The following TCEA1 variants were observed in gnomAD, a reference collection of about 807,000 sequenced individuals.
TCEA1 encodes transcription elongation factor A protein 1.
TCEA1 carries 21 observed loss-of-function variants against 43.8 expected under a neutral mutation model. The ratio of observed to expected loss-of-function variants is 0.48; its 90% CI spans 0.34 to 0.69. The LOEUF (loss-of-function observed/expected upper bound fraction) is 0.69, where lower values mean the gene tolerates loss of function less well. Among genes scored for constraint, TCEA1 ranks in the 30% least tolerant of loss-of-function variants. The pLI, the probability that TCEA1 is intolerant of heterozygous loss-of-function variation, is 0.01. For synonymous variants in TCEA1, 104 were observed against 117.5 expected (o/e 0.88, Z 0.75); for missense variants, 250 against 365.1 (o/e 0.68, Z 2.57).
intron 3 of TCEA1, among the ~76,000 whole-genome samples, chr8:53,997,799 T>C (rs535515875): frequency 6.6e-6 from 1 of 152,260 alleles, no homozygotes; most frequent in African/African-American, 2.4e-5. Context: ...CTCAGGAGTC[T>C]GATGTGAAAG....
rs1011196560 is a variant in TCEA1, at chr8:53,967,248, C to T, written c.*856G>A. 2.7e-4 allele frequency: 55 copies of T among 202,552 alleles called. 1 individual carries two copies. Among genetic ancestry groups the T allele is most frequent in the Non-Finnish European group, 1.4e-4 (14 of 98,350 alleles). 12.5% of individuals were successfully genotyped at this position (202,552 alleles called of 1,614,324 possible). ...TGAACTGTTTACAATAGCTATACTACACTAAGATGCTAAACATTTTCTTTC... is the reference window on the plus strand; with the variant it reads ...TGAACTGTTTACAATAGCTATACTATACTAAGATGCTAAACATTTTCTTTC... On this transcript the variant is annotated 3_prime_UTR_variant, in exon 10 of 10. Coordinates refer to ENST00000521604, the MANE Select transcript of TCEA1 (RefSeq NM_006756.4).
intron 2 of TCEA1, among the ~76,000 whole-genome samples, chr8:54,008,234 C>CA (rs1261003327): frequency 1.4e-5 from 2 of 139,802 alleles, no homozygotes; most frequent in African/African-American, 5.3e-5. Context: ...GGTAAAGAGA[C>CA]AATCTGCTGA....
intron 1 of TCEA1, among the ~76,000 whole-genome samples, chr8:54,020,679 T>G (rs1304389462): frequency 1.3e-5 from 2 of 152,220 alleles, no homozygotes; most frequent in Non-Finnish European, 2.9e-5. Flanking sequence ...TGGATACCCT[T>G]TATGTACTCA....
chr8:54,016,398 G>A (rs1010335479), intron 1 of TCEA1, among the ~76,000 whole-genome samples: 7 of 152,168 alleles, frequency 4.6e-5, no homozygotes, highest in African/African-American at 1.7e-4. Context: ...GGGAACCCGG[G>A]AGGCGGAGCT....
intron 1 of TCEA1, among the ~76,000 whole-genome samples, chr8:54,018,519 G>T (rs1168629285): frequency 6.6e-6 from 1 of 152,128 alleles, no homozygotes; most frequent in African/African-American, 2.4e-5. Context: ...TGATGACAAA[G>T]AACTTGCCTA....
At chr8:53,970,991 AAC>A (rs1803140029) in intron 8 of TCEA1, among the ~76,000 whole-genome samples, 1 of 152,218 alleles carries the variant, frequency 6.6e-6, no homozygotes, top group Admixed American at 6.5e-5. Flanking sequence ...GGCAATTAAA[AAC>A]ACAAAAATAC....
Position 53,970,469 on chromosome 8 carries a change from G to A in TCEA1, c.826-6C>T, listed in dbSNP as rs1323711197. On this transcript the variant is annotated splice_region_variant and splice_polypyrimidine_tract_variant and intron_variant, in intron 8 of 9. Transcript: ENST00000521604. ...TCAGCACTACGGGTTTGTACCTGCAGCAAAATTAAATTAAATGTACTTTTT... is the reference window on the plus strand; with the variant it reads ...TCAGCACTACGGGTTTGTACCTGCAACAAAATTAAATTAAATGTACTTTTT... 1 of 1,589,942 alleles carries A rather than the reference G, an allele frequency of 6.3e-7. No homozygotes were observed.
chr8:54,022,294 G>C lies in TCEA1; in HGVS notation c.-169C>G. On this transcript the variant is annotated 5_prime_UTR_variant, in exon 1 of 10. Transcript: ENST00000521604. ...CGAAGCCCGCGGCGGCGGCGGCGGC[G>C]GCGGCGGCTCCGGCTCCTCCTCCCC... 2.5e-6 allele frequency: 2 copies of C among 811,032 alleles called. No individual in the cohort carries two copies. The highest frequency in any genetic ancestry group is 3.1e-5 in the South Asian group (2 of 64,910). The allele number at this position is 811,032 out of a possible 1,614,324, so 50.2% of individuals were successfully genotyped here.
chr8:53,996,797 A>G (rs1804065553), intron 3 of TCEA1, among the ~76,000 whole-genome samples: 1 of 139,242 alleles, frequency 7.2e-6, no homozygotes, highest in Non-Finnish European at 1.5e-5. Context: ...GGTAAAATTT[A>G]TGCAAATTAA....
intron 4 of TCEA1, among the ~76,000 whole-genome samples, chr8:53,992,771 A>C (rs1047499524): frequency 1.3e-5 from 2 of 152,142 alleles, no homozygotes; most frequent in African/African-American, 4.8e-5. Context: ...CTGTTAACCT[A>C]CCAGCTTCCC....
intron 8 of TCEA1, among the ~76,000 whole-genome samples, chr8:53,971,001 T>C (rs78679641): frequency 0.083 from 12,672 of 152,092 alleles, 689 homozygotes; most frequent in Middle Eastern, 0.15. Flanking sequence ...AACACAAAAA[T>C]ACAAAGGATG....
intron 1 of TCEA1, among the ~76,000 whole-genome samples, chr8:54,018,197 A>G (rs761767618): frequency 2.0e-5 from 3 of 152,176 alleles, no homozygotes; most frequent in Non-Finnish European, 2.9e-5. Flanking sequence ...CCCAGCTCCT[A>G]CGAAATTCTA....
chr8:53,968,372 TTAA>T (rs914428332), intron 9 of TCEA1, among the ~76,000 whole-genome samples: 1 of 102,978 alleles, frequency 9.7e-6, no homozygotes. Context: ...GTTTTTAAGG[TTAA>T]AAAAAAAAAA....
At chr8:53,989,063 A>C (rs1163640353) in intron 4 of TCEA1, among the ~76,000 whole-genome samples, 1 of 150,780 alleles carries the variant, frequency 6.6e-6, no homozygotes, top group African/African-American at 2.4e-5. Context: ...GCGAGACTCC[A>C]CCTCAAAAAA....
intron 3 of TCEA1, among the ~76,000 whole-genome samples, chr8:53,998,697 G>C (rs1010071197): frequency 6.6e-6 from 1 of 152,144 alleles, no homozygotes. Context: ...ATTCATATTT[G>C]TTGGGCTAGG....
intron 2 of TCEA1, among the ~76,000 whole-genome samples, chr8:54,004,851 T>C (rs1460931089): frequency 2.0e-5 from 3 of 152,102 alleles, no homozygotes; most frequent in African/African-American, 7.2e-5. Flanking sequence ...GCAGGGACCT[T>C]GTCTTGTCTG....
At chr8:54,010,371 G>A (rs1385854905) in intron 2 of TCEA1, 59 bp downstream of exon 2, 3 of 1,277,314 alleles carry the variant, frequency 2.3e-6, no homozygotes, top group Non-Finnish European at 2.2e-6. Flanking sequence ...TACTGAAGAT[G>A]TTTTGGTATT....
In TCEA1 at chr8:53,970,467, C is replaced by A. The variant is rs1803123803; in HGVS notation, c.826-4G>T. The A allele has an allele frequency of 1.3e-6, 2 of 1,593,240 alleles. No individual in the cohort carries two copies. The highest frequency in any genetic ancestry group is 1.7e-6 in the Non-Finnish European group (2 of 1,167,418). ...CATCAGCACTACGGGTTTGTACCTG[C>A]AGCAAAATTAAATTAAATGTACTTT... On this transcript the variant is annotated splice_region_variant and splice_polypyrimidine_tract_variant and intron_variant, in intron 8 of 9. Transcript: ENST00000521604.
Position 54,022,276 on chromosome 8 carries a change from C to CGCGGCGGCG in TCEA1, c.-160_-152dup, listed in dbSNP as rs58021302. On this transcript the variant is annotated 5_prime_UTR_variant, in exon 1 of 10. Coordinates refer to ENST00000521604, the MANE Select transcript of TCEA1 (RefSeq NM_006756.4). The stretch of plus-strand genomic sequence containing the variant: ...GGCCCCCTTCCTTACGAACGAAGCC[C>CGCGGCGGCG]GCGGCGGCGGCGGCGGCGGCGGCGG... The CGCGGCGGCG allele has an allele frequency of 3.7e-4, 326 of 883,838 alleles. No individual in the cohort carries two copies. The highest frequency in any genetic ancestry group is 3.5e-3 in the East Asian group (100 of 28,190). 54.7% of individuals were successfully genotyped at this position (883,838 alleles called of 1,614,324 possible).
Sources: allele counts gnomAD v4.1 joint callset (sites outside exome capture counted in the v4.1 genomes callset), GRCh38; gene constraint gnomAD v4.1.1; transcripts MANE v1.5; gene names NCBI Gene and HGNC (gene_info 2026-07-23, HGNC 2026-07-21).